CCDC74A: variants seen among roughly 807,000 people sequenced by gnomAD.
The protein encoded by CCDC74A is coiled-coil domain containing 74A.
CCDC74A carries 38 observed loss-of-function variants against 37.6 expected under a neutral mutation model. The observed-to-expected ratio is 1.01, with a 90% CI of 0.78 to 1.33. The LOEUF (loss-of-function observed/expected upper bound fraction) is 1.33, where lower values mean the gene tolerates loss of function less well. Ranked by LOEUF, CCDC74A falls within the 40% of genes most tolerant of loss-of-function variation. CCDC74A has a pLI of 0.00. For missense variants in CCDC74A, 340 were observed against 403.4 expected (o/e 0.84, Z 1.35); for synonymous variants, 134 against 165.2 (o/e 0.81, Z 1.45).
At chr2:131,524,266 A>T (rs975979668), upstream of CCDC74A, among the ~76,000 whole-genome samples, 5 of 152,068 alleles carry the variant, frequency 3.3e-5, no homozygotes, top group Admixed American at 3.3e-4. Flanking sequence ...TTATTTGGAG[A>T]GTAAGTATGG....
At chr2:131,529,437 G>C (rs762275349) in intron 1 of CCDC74A, 1 of 713,800 alleles carries the variant, frequency 1.4e-6, no homozygotes, top group African/African-American at 1.7e-5. Flanking sequence ...ATGCCCGGTG[G>C]GCTCTGCCTA....
chr2:131,529,022 T>C, intron 1 of CCDC74A, among the ~76,000 whole-genome samples: 1 of 136,082 alleles, frequency 7.3e-6, no homozygotes, highest in African/African-American at 2.8e-5. Flanking sequence ...CCCCCCTTTC[T>C]CCCTCCCTCC....
intron 1 of CCDC74A, chr2:131,528,703 C>A (rs890207080): frequency 6.3e-5 from 25 of 399,240 alleles, no homozygotes; most frequent in Non-Finnish European, 1.2e-4. Context: ...CCCAGCTACT[C>A]GGGAGGCTGA....
At chr2:131,524,213 G>A (rs6740088), upstream of CCDC74A, among the ~76,000 whole-genome samples, 1,384 of 152,116 alleles carry the variant, frequency 9.1e-3, 20 homozygotes, top group African/African-American at 0.031. Flanking sequence ...CTATTAACTC[G>A]GACACCTTCC....
In CCDC74A at chr2:131,528,006, C is replaced by G; in HGVS notation, c.36C>G (p.Pro12=). Residue 12 remains proline (P), a synonymous_variant, in exon 1 of 8, where the codon CCC becomes CCG. Transcript: ENST00000409856. ...CGGGGGTGGCGGCTGGGACGCGGCC[C>G]CCCAGCTCGCCGACCCCGGGCTCTC... ...SGAGVAAGTR[P]PSSPTPGSRR... 2.0e-6 allele frequency: 3 copies of G among 1,467,458 alleles called. No homozygotes were observed. The highest frequency in any genetic ancestry group is 1.8e-6 in the Non-Finnish European group (2 of 1,110,816). The allele number at this position is 1,467,458 out of a possible 1,614,324, so 90.9% of individuals were successfully genotyped here.
At chr2:131,522,663 G>A in the CCDC74A span, among the ~76,000 whole-genome samples, 131 of 152,160 alleles carry the variant, frequency 8.6e-4, no homozygotes, top group African/African-American at 3.0e-3. Context: ...TCCTTGCCCC[G>A]AGGCAATCCC....
chr2:131,532,052 G>C (rs1429773926), intron 4 of CCDC74A, among the ~76,000 whole-genome samples: 3 of 150,546 alleles, frequency 2.0e-5, no homozygotes, highest in Non-Finnish European at 4.5e-5. Flanking sequence ...GAGCCCACGA[G>C]GGGGGCCAGT....
At position 131,533,574 on chromosome 2, in the gene CCDC74A, T is replaced by C. The variant is rs538569491; in HGVS notation, c.*176T>C. On this transcript the variant is annotated 3_prime_UTR_variant, in exon 8 of 8. Coordinates refer to ENST00000409856, the MANE Select transcript of CCDC74A (RefSeq NM_001258306.3). Reference sequence around the variant, plus strand: ...TGACAAACTGTTTATTTTCTAGCTGTTATTTTGCTATTTGGCATTTACATA... The same window carrying C: ...TGACAAACTGTTTATTTTCTAGCTGCTATTTTGCTATTTGGCATTTACATA... The C allele has an allele frequency of 1.0e-4, 91 of 886,298 alleles. 1 individual carries two copies. The East Asian group carries it at 2.0e-3, about 20-fold the overall frequency. 54.9% of individuals were successfully genotyped at this position (886,298 alleles called of 1,614,324 possible).
chr2:131,530,500 G>A (rs1291792754), intron 2 of CCDC74A: 8 of 1,571,778 alleles, frequency 5.1e-6, no homozygotes, highest in African/African-American at 2.8e-5. Context: ...TGCTGGGGAC[G>A]CTGACAGGAC....
At chr2:131,525,655 C>G (rs114467421), upstream of CCDC74A, among the ~76,000 whole-genome samples, 881 of 149,428 alleles carry the variant, frequency 5.9e-3, 10 homozygotes, top group African/African-American at 0.02. Context: ...TCAAGCAATT[C>G]TTCGGCCTCG....
In CCDC74A at chr2:131,529,895, G is replaced by C. The variant is rs543020301; in HGVS notation, c.295+204G>C. 8.0e-5 allele frequency: 119 copies of C among 1,496,110 alleles called. 1 individual carries two copies. In the African/African-American group the frequency reaches 1.5e-3, roughly 19 times the overall value. 92.7% of individuals were successfully genotyped at this position (1,496,110 alleles called of 1,614,324 possible). On this transcript the variant is annotated intron_variant, in intron 2 of 7. Coordinates refer to ENST00000409856, the MANE Select transcript of CCDC74A (RefSeq NM_001258306.3). ...CCAAGCACAGCACGTGCTGCTCTCG[G>C]GAAGCCCAGGGCCTGAGGTCATTGC... is the stretch of plus-strand genomic sequence containing the variant.
chr2:131,523,577 A>G (rs1378239111), upstream of CCDC74A, among the ~76,000 whole-genome samples: 4 of 152,164 alleles, frequency 2.6e-5, no homozygotes, highest in African/African-American at 9.7e-5. Context: ...CAGTAAGCCG[A>G]GATCGCACCA....
rs1276031350 is a variant in CCDC74A, at chr2:131,532,677, C to T, written c.574C>T (p.Pro192Ser). 2 of 1,613,126 alleles carry T rather than the reference C, an allele frequency of 1.2e-6. No homozygotes were observed. Among genetic ancestry groups the T allele is most frequent in the Admixed American group, 1.7e-5 (1 of 59,936 alleles). Residue 192 changes from proline (P) to serine (S), a missense_variant, in exon 5 of 8, where the codon CCC becomes TCC. Around this residue, in one of 3 missense-constraint regions of CCDC74A, gnomAD observed 185 missense variants for 231.5 expected, o/e 0.80. Coordinates refer to ENST00000409856, the MANE Select transcript of CCDC74A (RefSeq NM_001258306.3). Reference protein sequence around the residue: ...QGRQMGAGAHPPMILPLPLRK... With the variant: ...QGRQMGAGAHSPMILPLPLRK... ...CAGGCAGATGGGGGCGGGGGCACAC[C>T]CCCCAATGATCCTGCCCCTTCCCCT...
At position 131,529,791 on chromosome 2, in the gene CCDC74A, G is replaced by A. The variant is rs931184026; in HGVS notation, c.295+100G>A. 7.0e-6 allele frequency: 11 copies of A among 1,562,850 alleles called. No individual in the cohort carries two copies. The African/African-American group carries it at 9.5e-5, about 14-fold the overall frequency. ...CACCTGGCTGCACTGGCCCCTGTATGCCAACCCAGTGGGTACAGGTTCTGG... is the reference window on the plus strand; with the variant it reads ...CACCTGGCTGCACTGGCCCCTGTATACCAACCCAGTGGGTACAGGTTCTGG... On this transcript the variant is annotated intron_variant, in intron 2 of 7. Coordinates refer to ENST00000409856, the MANE Select transcript of CCDC74A (RefSeq NM_001258306.3).
chr2:131,523,055 C>A (rs1005715829), upstream of CCDC74A, among the ~76,000 whole-genome samples: 1 of 152,174 alleles, frequency 6.6e-6, no homozygotes, highest in African/African-American at 2.4e-5. Context: ...CAGGCATGCG[C>A]CACCGCACCC....
chr2:131,533,162 A>G, intron 7 of CCDC74A, 93 bp downstream of exon 7: 1 of 1,608,514 alleles, frequency 6.2e-7, no homozygotes. Context: ...GCAGAAGCAG[A>G]GCTCGCTGAG....
chr2:131,526,587 T>C (rs923513204), upstream of CCDC74A, among the ~76,000 whole-genome samples: 3 of 152,232 alleles, frequency 2.0e-5, no homozygotes, highest in African/African-American at 7.2e-5. Context: ...GGTCTGATAA[T>C]TCCAACATCT....
intron 1 of CCDC74A, 63 bp downstream of exon 1, chr2:131,528,283 C>T (rs758596804): frequency 6.3e-7 from 1 of 1,587,648 alleles, no homozygotes; most frequent in Non-Finnish European, 8.6e-7. Flanking sequence ...ACTGCCGCTC[C>T]CGCAGCACAG....
upstream of CCDC74A, among the ~76,000 whole-genome samples, chr2:131,525,710 C>CCT (rs1308311431): frequency 8.3e-6 from 1 of 121,048 alleles, no homozygotes; most frequent in African/African-American, 4.0e-5. Context: ...ACTATGCCTG[C>CCT]CTTTTTTTTT....
Sources: allele counts gnomAD v4.1 joint callset (sites outside exome capture counted in the v4.1 genomes callset), GRCh38; gene constraint gnomAD v4.1.1; regional missense constraint gnomAD v4.1.1; transcripts MANE v1.5; gene names NCBI Gene and HGNC (gene_info 2026-07-23, HGNC 2026-07-21).